The following CSMD1 variants were observed in gnomAD, a reference collection of about 807,000 sequenced individuals.
CSMD1 encodes the protein CUB and Sushi multiple domains 1.
In CSMD1, 213 loss-of-function variants were observed where a neutral mutation model predicts 417.5. That is an observed-to-expected ratio of 0.51 (90% confidence interval 0.46 to 0.57). CSMD1 has a LOEUF of 0.57. CSMD1 is among the 20% of genes least tolerant of loss of function. The probability of loss-of-function intolerance (pLI) is 0.00; values close to 1 mark genes in which losing one functional copy is unlikely to be tolerated. For synonymous variants in CSMD1, 2,862 were observed against 1,736.8 expected, an observed-to-expected ratio of 1.65 and a Z score of -16.11; for missense variants, 6,923 against 4,529.7, an observed-to-expected ratio of 1.53 and a Z score of -15.17.
intron 18 of CSMD1, among the ~76,000 whole-genome samples, chr8:3,383,188 T>A (rs912332953): frequency 3.3e-5 from 5 of 152,226 alleles, no homozygotes; most frequent in African/African-American, 1.2e-4. Context: ...TAACAAGTTA[T>A]AGATCATGGT....
chr8:3,825,618 G>C (rs1263849960), intron 5 of CSMD1, among the ~76,000 whole-genome samples: 1 of 152,122 alleles, frequency 6.6e-6, no homozygotes, highest in African/African-American at 2.4e-5. Context: ...AGTACAGTTG[G>C]TTCTTAGGAA....
At chr8:4,153,868 G>T (rs996175671) in intron 3 of CSMD1, among the ~76,000 whole-genome samples, 1 of 152,194 alleles carries the variant, frequency 6.6e-6, no homozygotes, top group Non-Finnish European at 1.5e-5. Context: ...TGGCTTTCCT[G>T]ACTCATGGCA....
chr8:3,528,910 CA>C (rs1797864586), intron 10 of CSMD1, among the ~76,000 whole-genome samples: 1 of 152,094 alleles, frequency 6.6e-6, no homozygotes, highest in Non-Finnish European at 1.5e-5. Flanking sequence ...CATTTATCTG[CA>C]AAAATATGAT....
At chr8:3,925,815 T>C (rs1563217759) in intron 5 of CSMD1, among the ~76,000 whole-genome samples, 1 of 152,094 alleles carries the variant, frequency 6.6e-6, no homozygotes, top group Non-Finnish European at 1.5e-5. Context: ...ATCAGCAGCA[T>C]TAAAACCAAC....
At chr8:4,639,502 C>T (rs536633036) in intron 1 of CSMD1, among the ~76,000 whole-genome samples, 47 of 152,212 alleles carry the variant, frequency 3.1e-4, no homozygotes, top group Non-Finnish European at 5.9e-4. Flanking sequence ...TTAAGTAGCT[C>T]GCAAAAACTG....
At chr8:3,662,147 G>A (rs777056612) in intron 7 of CSMD1, among the ~76,000 whole-genome samples, 2 of 152,148 alleles carry the variant, frequency 1.3e-5, no homozygotes, top group Admixed American at 6.5e-5. Context: ...AAAAGATTTA[G>A]GCTATAGAGA....
chr8:4,507,251 T>C (rs1209974712), intron 2 of CSMD1, among the ~76,000 whole-genome samples: 1 of 152,194 alleles, frequency 6.6e-6, no homozygotes, highest in African/African-American at 2.4e-5. Context: ...GTTAGCTCAG[T>C]ATATTACTTA....
intron 3 of CSMD1, among the ~76,000 whole-genome samples, chr8:4,335,833 G>T (rs1032361069): frequency 5.9e-5 from 9 of 152,070 alleles, no homozygotes; most frequent in Non-Finnish European, 1.3e-4. Context: ...CAGCCCAGGG[G>T]TTGATTGGGG....
At chr8:3,320,866 C>CT (rs1806108268) in intron 23 of CSMD1, among the ~76,000 whole-genome samples, 2 of 152,186 alleles carry the variant, frequency 1.3e-5, no homozygotes, top group Non-Finnish European at 2.9e-5. Context: ...CGCCTGCTTG[C>CT]CGCACACTTT....
At chr8:4,330,253 G>T (rs529858149) in intron 3 of CSMD1, among the ~76,000 whole-genome samples, 5 of 152,038 alleles carry the variant, frequency 3.3e-5, no homozygotes, top group African/African-American at 1.2e-4. Flanking sequence ...AGATCCAGTA[G>T]GACTCTGTCT....
intron 2 of CSMD1, among the ~76,000 whole-genome samples, chr8:4,627,517 A>T (rs1802188752): frequency 6.6e-6 from 1 of 152,204 alleles, no homozygotes; most frequent in Admixed American, 6.5e-5. Flanking sequence ...GTATTAAATA[A>T]AATAACTATT....
At chr8:3,487,219 T>G (rs951812068) in intron 11 of CSMD1, among the ~76,000 whole-genome samples, 5 of 137,754 alleles carry the variant, frequency 3.6e-5, no homozygotes, top group Admixed American at 7.4e-5. Context: ...ATTTAGTTTT[T>G]GAGACAGAGT....
intron 3 of CSMD1, among the ~76,000 whole-genome samples, chr8:4,120,545 G>A (rs1283789947): frequency 2.0e-5 from 3 of 152,116 alleles, no homozygotes; most frequent in Admixed American, 1.3e-4. Flanking sequence ...TGGCGATAAG[G>A]GATACCAAAA....
At chr8:3,426,901 C>A (rs1813878646) in intron 12 of CSMD1, among the ~76,000 whole-genome samples, 1 of 152,114 alleles carries the variant, frequency 6.6e-6, no homozygotes, top group African/African-American at 2.4e-5. Context: ...GTTTAATTGA[C>A]TCACAGTTCA....
intron 3 of CSMD1, among the ~76,000 whole-genome samples, chr8:4,195,384 T>C (rs187238774): frequency 6.6e-6 from 1 of 152,162 alleles, no homozygotes; most frequent in African/African-American, 2.4e-5. Flanking sequence ...TAACATTTTT[T>C]AAAATTATAA....
chr8:4,326,009 T>C (rs1200249954), intron 3 of CSMD1, among the ~76,000 whole-genome samples: 4 of 152,130 alleles, frequency 2.6e-5, no homozygotes, highest in Non-Finnish European at 4.4e-5. Context: ...AGTAAAGACG[T>C]TGGCTCGCTA....
intron 3 of CSMD1, among the ~76,000 whole-genome samples, chr8:4,126,674 G>A (rs551585090): frequency 3.9e-5 from 6 of 152,160 alleles, no homozygotes; most frequent in Admixed American, 3.3e-4. Flanking sequence ...AGATTCTGAG[G>A]GTTTATTAAT....
At chr8:3,306,567 G>A (rs937421950) in intron 25 of CSMD1, among the ~76,000 whole-genome samples, 3 of 152,182 alleles carry the variant, frequency 2.0e-5, no homozygotes, top group African/African-American at 7.2e-5. Flanking sequence ...ATAGCATGAT[G>A]GAGTGTAGAC....
intron 42 of CSMD1, chr8:3,112,949 T>C (rs936526081): frequency 3.3e-5 from 5 of 152,230 alleles, no homozygotes; most frequent in African/African-American, 1.2e-4. Context: ...CCTGGCCTGA[T>C]CTTTATCTAC....
Sources: gnomAD v4.1 joint callset for allele counts (sites outside exome capture counted in the v4.1 genomes callset) on GRCh38, gnomAD v4.1.1 for gene constraint, MANE v1.5 for transcripts, NCBI Gene and HGNC (gene_info 2026-07-23, HGNC 2026-07-21) for gene names.